Variants in SSUH2 observed in about 807,000 individuals in gnomAD.
The protein encoded by SSUH2 is protein SSUH2 homolog.
A neutral mutation model predicts 55.3 loss-of-function variants in SSUH2; 47 were observed. The ratio of observed to expected loss-of-function variants is 0.85; its 90% confidence interval spans 0.67 to 1.08. The LOEUF (loss-of-function observed/expected upper bound fraction) is 1.08. Among genes scored for constraint, SSUH2 ranks in the 50% least tolerant of loss-of-function variants. The probability of loss-of-function intolerance (pLI) is 0.00; values close to 1 mark genes in which losing one functional copy is unlikely to be tolerated. For missense variants in SSUH2, 535 were observed against 490.7 expected, an observed-to-expected ratio of 1.09 and a Z score of -0.85; for synonymous variants, 212 against 191.5, an observed-to-expected ratio of 1.11 and a Z score of -0.89.
intron 5 of SSUH2, 40 bp downstream of exon 5, chr3:8,632,009 A>T (rs1559346892): frequency 6.5e-7 from 1 of 1,540,934 alleles, no homozygotes; most frequent in South Asian, 1.1e-5. Context: ...ACCCTGACTT[A>T]TTTGCCCCCA....
Position 8,627,710 on chromosome 3 carries a change from G to A in SSUH2, c.662C>T (p.Ser221Phe). 2 of 1,594,560 alleles carry A rather than the reference G, an allele frequency of 1.3e-6. No individual in the cohort carries two copies. The highest frequency in any genetic ancestry group is 1.7e-6 in the Non-Finnish European group (2 of 1,169,938). The change falls in exon 8 of 12, where the codon TCC becomes TTC. Residue 221 changes from serine (S) to phenylalanine (F), a missense_variant. Ser to Phe is a radical substitution (Grantham distance 155). Coordinates refer to ENST00000544814, the MANE Select transcript of SSUH2 (RefSeq NM_001256748.3). Reference protein sequence around the residue: ...QSRRCQLCAGSGRRRCSTCSG... With the variant: ...QSRRCQLCAGFGRRRCSTCSG... ...GAGATGCCCCTACCTTCGCCTGCCG[G>A]ACCCCGCGCACAGCTGACATCTCCG...
At chr3:8,646,690 A>G (rs1404278058), upstream of SSUH2, among the ~76,000 whole-genome samples, 1 of 152,220 alleles carries the variant, frequency 6.6e-6, no homozygotes, top group Non-Finnish European at 1.5e-5. Flanking sequence ...GACTCGGGGC[A>G]AGTAATGTAC....
intron 5 of SSUH2, among the ~76,000 whole-genome samples, chr3:8,664,152 G>A (rs888502668): frequency 6.6e-6 from 1 of 152,232 alleles, no homozygotes. Context: ...TCTAGGGAGA[G>A]AGGAAGACGG....
intron 1 of SSUH2, among the ~76,000 whole-genome samples, chr3:8,641,803 C>G (rs1193110834): frequency 1.3e-5 from 2 of 152,258 alleles, no homozygotes; most frequent in Non-Finnish European, 2.9e-5. Context: ...CCTTTCTCAC[C>G]AAGATACACT....
At chr3:8,629,005 G>A (rs375466573) in intron 7 of SSUH2, among the ~76,000 whole-genome samples, 4 of 152,136 alleles carry the variant, frequency 2.6e-5, no homozygotes, top group Non-Finnish European at 5.9e-5. Flanking sequence ...ACAGGCGCCC[G>A]CCACCATGCC....
At chr3:8,621,109 G>A (rs75850866) in intron 11 of SSUH2, among the ~76,000 whole-genome samples, 1,684 of 152,270 alleles carry the variant, frequency 0.011, 49 homozygotes, top group African/African-American at 0.039. Flanking sequence ...TAAGAATGTT[G>A]CTCCTGATCA....
At chr3:8,641,355 G>A (rs1164120683) in intron 1 of SSUH2, among the ~76,000 whole-genome samples, 2 of 152,184 alleles carry the variant, frequency 1.3e-5, no homozygotes, top group Non-Finnish European at 2.9e-5. Context: ...AACCTGCTAC[G>A]CAGTCTTTGG....
At chr3:8,633,388 GACCTCAGGTGATCCACCC>G (rs1220251812) in intron 4 of SSUH2, among the ~76,000 whole-genome samples, 2 of 41,978 alleles carry the variant, frequency 4.8e-5, no homozygotes, top group Non-Finnish European at 1.4e-4. Flanking sequence ...AGGTGATCCT[GACCTCAGGTGATCCACCC>G]ACCTCGGCCT....
At position 8,632,065 on chromosome 3, in the gene SSUH2, T is replaced by C; in HGVS notation, c.384A>G (p.Thr128=). ...TFSESRISEW[T]FQPFTNHSVD... ...TTCACTTACTAGTAAAGGGTTGAAA[T>C]GTCCACTCGCTTATCCTGGATTCAC... Residue 128 remains threonine, a synonymous_variant, in exon 5 of 12, where the codon ACA becomes ACG. Transcript: ENST00000544814. 1.2e-6 allele frequency: 2 copies of C among 1,614,046 alleles called. No homozygotes were observed. Among genetic ancestry groups the C allele is most frequent in the Non-Finnish European group, 1.7e-6 (2 of 1,179,944 alleles).
Position 8,633,743 on chromosome 3 carries a change from C to T in SSUH2, c.262G>A (p.Asp88Asn). 1.2e-6 allele frequency: 2 copies of T among 1,605,436 alleles called. No individual in the cohort carries two copies. The highest frequency in any genetic ancestry group is 2.2e-5 in the South Asian group (2 of 90,332). ...GTGCTGCTGTAGCAGCACTTAGAGT[C>T]CACAAAGCTGAGGAGGGCTTCCCGG... ...VAREALLSFV[D>N]SKCCYSSTVA... The change falls in exon 4 of 12, where the codon GAC (aspartate) becomes AAC (asparagine). Residue 88 changes from aspartate (D) to asparagine (N), a missense_variant. Physicochemically the swap from Asp to Asn is conservative, Grantham distance 23 (BLOSUM62 1). Coordinates refer to ENST00000544814, the MANE Select transcript of SSUH2 (RefSeq NM_001256748.3).
chr3:8,629,279 C>T (rs549271592), intron 7 of SSUH2: 2 of 225,966 alleles, frequency 8.9e-6, no homozygotes, highest in East Asian at 1.2e-4. Flanking sequence ...TGCTCAGCAC[C>T]CACTGCCCTG....
chr3:8,634,210 G>A (rs1699488062), intron 3 of SSUH2: 2 of 574,910 alleles, frequency 3.5e-6, no homozygotes, highest in South Asian at 2.0e-5. Context: ...TTAGCCAGAG[G>A]AGCTGCTAGC....
chr3:8,669,103 A>T (rs2125399683), intron 5 of SSUH2, among the ~76,000 whole-genome samples: 1 of 152,276 alleles, frequency 6.6e-6, no homozygotes, highest in South Asian at 2.1e-4. Context: ...GTCTCAGCAT[A>T]CTCTCTCATT....
intron 3 of SSUH2, among the ~76,000 whole-genome samples, chr3:8,675,369 T>C (rs147447471): frequency 6.2e-4 from 94 of 152,168 alleles, no homozygotes; most frequent in African/African-American, 2.0e-3. Flanking sequence ...CTCGAGACCA[T>C]CAGAAGTTTC....
At chr3:8,635,721 G>C (rs919836419) in intron 2 of SSUH2, 38 bp downstream of exon 2, 2 of 1,510,094 alleles carry the variant, frequency 1.3e-6, no homozygotes, top group Non-Finnish European at 1.8e-6. Flanking sequence ...GTGAGCCCTA[G>C]GTAGAAGCCC....
At chr3:8,629,876 G>C in intron 6 of SSUH2, 150 bp from the exon 7 acceptor site, 1 of 719,450 alleles carries the variant, frequency 1.4e-6, no homozygotes, top group Non-Finnish European at 2.4e-6. Flanking sequence ...ATTTGACTAA[G>C]ATTCCAGAAG....
intron 1 of SSUH2, among the ~76,000 whole-genome samples, chr3:8,639,692 C>A (rs1422771349): frequency 6.6e-6 from 1 of 152,202 alleles, no homozygotes; most frequent in African/African-American, 2.4e-5. Flanking sequence ...CCCTTGACTA[C>A]AGATGAGAAA....
Position 8,623,764 on chromosome 3 carries a change from TGAGA to T in SSUH2, c.874-112_874-109del, listed in dbSNP as rs1327678061. The T allele has an allele frequency of 5.0e-6, 3 of 602,984 alleles. No homozygotes were observed. In the East Asian group the frequency reaches 8.8e-5, roughly 18 times the overall value. 37.4% of individuals were successfully genotyped at this position (602,984 alleles called of 1,614,324 possible). A position where few individuals can be genotyped will look rare whatever the true frequency, so the allele number is the denominator to read the frequency against. The stretch of plus-strand genomic sequence containing the variant: ...GCCAGAGCCAGACAGAGAAGGGGGC[TGAGA>T]GAGGGACCCACGGTGTGGTCTCAGG... On this transcript the variant is annotated intron_variant, in intron 10 of 11. Coordinates refer to ENST00000544814, the MANE Select transcript of SSUH2 (RefSeq NM_001256748.3).
At chr3:8,669,032 G>A (rs1704262657) in intron 5 of SSUH2, among the ~76,000 whole-genome samples, 2 of 151,780 alleles carry the variant, frequency 1.3e-5, no homozygotes, top group Admixed American at 6.6e-5. Context: ...GGAAGGGAGG[G>A]AGGAACTCTT....
Sources: allele counts gnomAD v4.1 joint callset (sites outside exome capture counted in the v4.1 genomes callset), GRCh38; gene constraint gnomAD v4.1.1; transcripts MANE v1.5; gene names NCBI Gene and HGNC (gene_info 2026-07-23, HGNC 2026-07-21).